Variants in CUZD1 observed in about 807,000 individuals in gnomAD.
The protein encoded by CUZD1 is CUB and zona pellucida like domains 1.
Under a neutral mutation model 53.1 loss-of-function variants are expected in CUZD1, and 42 were observed. That is an observed-to-expected ratio of 0.79 (90% confidence interval 0.62 to 1.02). The LOEUF (loss-of-function observed/expected upper bound fraction) is 1.02. Ranked by LOEUF, CUZD1 falls within the 50% of genes least tolerant of loss-of-function variation. The pLI is 0.00. For synonymous variants in CUZD1, 238 were observed against 257.2 expected, an observed-to-expected ratio of 0.93 and a Z score of 0.71; for missense variants, 670 against 715.7, an observed-to-expected ratio of 0.94 and a Z score of 0.73.
rs989344649 is a variant in CUZD1, at chr10:122,844,666, G to A, written c.82+1096C>T. On this transcript the variant is annotated intron_variant, in intron 1 of 8. Transcript: ENST00000392790. ...GTGGATCACTTGAGCTCAGGAGTTC[G>A]AGACCAGCCTGGGCAACATAGTGAA... Among the ~76,000 whole-genome samples, 6 of 152,064 alleles carry A rather than the reference G, an allele frequency of 3.9e-5. No homozygotes were observed. The East Asian group carries it at 9.6e-4, about 24-fold the overall frequency.
Position 122,837,198 on chromosome 10 carries a change from A to G in CUZD1, c.600-150T>C, listed in dbSNP as rs936558591. Reference sequence around the variant, plus strand: ...TTACGAAGACAAACCTGGGGTTTTGATAGTCTCTGACAAGGACCTCAGAAT... The same window carrying G: ...TTACGAAGACAAACCTGGGGTTTTGGTAGTCTCTGACAAGGACCTCAGAAT... On this transcript the variant is annotated intron_variant, in intron 4 of 8. Coordinates refer to ENST00000392790, the MANE Select transcript of CUZD1 (RefSeq NM_022034.6). 1.7e-5 allele frequency: 14 copies of G among 828,948 alleles called. No individual in the cohort carries two copies. In the South Asian group the frequency reaches 2.6e-4, roughly 15 times the overall value. The allele number at this position is 828,948 out of a possible 1,614,324, so 51.3% of individuals were successfully genotyped here. A position where few individuals can be genotyped will look rare whatever the true frequency, so the allele number is the denominator to read the frequency against.
rs145122169 is a variant in CUZD1, at chr10:122,837,538, G to A, written c.465C>T (p.Gly155=). ...FSPNISIPNC[G]GYLDTLEGSF... The stretch of plus-strand genomic sequence containing the variant: ...ATCCTTCCAAGGTATCCAGGTAACC[G>A]CCACAGTTTGGAATAGCTGAAATGG... Residue 155 remains glycine (G), a synonymous_variant, in exon 4 of 9, where the codon GGC becomes GGT. Transcript: ENST00000392790. 1.3e-5 allele frequency: 21 copies of A among 1,580,662 alleles called. No homozygotes were observed. The highest frequency in any genetic ancestry group is 1.7e-4 in the Middle Eastern group (1 of 5,882).
At chr10:122,836,121 A>G in intron 6 of CUZD1, 57 bp downstream of exon 6, 2 of 1,488,680 alleles carry the variant, frequency 1.3e-6, no homozygotes, top group Non-Finnish European at 1.8e-6. Flanking sequence ...CCCTGACTGC[A>G]TTGCTCAACA....
In CUZD1 at chr10:122,839,214, C is replaced by T. The variant is rs1397299480; in HGVS notation, c.251G>A (p.Ser84Asn). 8 of 1,613,990 alleles carry T rather than the reference C, an allele frequency of 5.0e-6. No homozygotes were observed. Among genetic ancestry groups the T allele is most frequent in the Non-Finnish European group, 6.8e-6 (8 of 1,179,866 alleles). Residue 84 changes from serine to asparagine, a missense_variant, in exon 3 of 9, where the codon AGC becomes AAC. Physicochemically the swap from Ser to Asn is conservative, Grantham distance 46. Transcript: ENST00000392790. ...FSYVQLDPDG[S>N]CESENIKVFD... The stretch of plus-strand genomic sequence containing the variant: ...GACTTTAATGTTTTCACTTTCACAG[C>T]TTCCATCTGGATCAAGCCTGTGGAA...
At position 122,836,275 on chromosome 10, in the gene CUZD1, C is replaced by T. The variant is rs543128847; in HGVS notation, c.893G>A (p.Gly298Glu). Residue 298 changes from glycine to glutamate, a missense_variant, in exon 6 of 9, where the codon GGG becomes GAG. Physicochemically the swap from Gly to Glu is moderately conservative, Grantham distance 98. Coordinates refer to ENST00000392790, the MANE Select transcript of CUZD1 (RefSeq NM_022034.6). ...TGGGTCTTTTAGTTGCAAGTTATTCCCATTAGAGTTAAAAGCCTCTAGGTA... is the reference window on the plus strand; with the variant it reads ...TGGGTCTTTTAGTTGCAAGTTATTCTCATTAGAGTTAAAAGCCTCTAGGTA... ...KSYLEAFNSN[G>E]NNLQLKDPTC... 78 of 1,611,692 alleles carry T rather than the reference C, an allele frequency of 4.8e-5. No homozygotes were observed. The South Asian group carries it at 7.8e-4, about 16-fold the overall frequency.
chr10:122,836,515 C>T (rs1383760154), intron 5 of CUZD1, among the ~76,000 whole-genome samples, 165 bp from the exon 6 acceptor site: 1 of 152,200 alleles, frequency 6.6e-6, no homozygotes, highest in Non-Finnish European at 1.5e-5. Context: ...TCACCTTTTA[C>T]TGTGTTCATT....
At chr10:122,838,608 T>C (rs561708179) in intron 3 of CUZD1, among the ~76,000 whole-genome samples, 1 of 152,226 alleles carries the variant, frequency 6.6e-6, no homozygotes, top group Admixed American at 6.5e-5. Context: ...AATCAGAGCA[T>C]AGGGAGGTGC....
intron 1 of CUZD1, among the ~76,000 whole-genome samples, chr10:122,843,820 T>C (rs1236292705): frequency 2.0e-5 from 3 of 147,256 alleles, no homozygotes; most frequent in African/African-American, 7.5e-5. Flanking sequence ...CATATATATA[T>C]ATATATATAT....
At chr10:122,837,665 T>C (rs1330054845) in intron 3 of CUZD1, 111 bp from the exon 4 acceptor site, 2 of 1,070,838 alleles carry the variant, frequency 1.9e-6, no homozygotes, top group Non-Finnish European at 2.6e-6. Context: ...ATTCCATCTC[T>C]ATCTTTCCCA....
In CUZD1 at chr10:122,833,928, A is replaced by T. The variant is rs143275481; in HGVS notation, c.1395T>A (p.Asp465Glu). The change falls in exon 8 of 9, where the codon GAT becomes GAA. Residue 465 changes from aspartate to glutamate, a missense_variant. Coordinates refer to ENST00000392790, the MANE Select transcript of CUZD1 (RefSeq NM_022034.6). ...ATAAGGGATACACCTTACAAGTTTC[A>T]TCTCGACTACATCTGGAACAGAATT... ...YDLIKSGCSR[D>E]ETCKVYPLFG... The T allele has an allele frequency of 1.2e-6, 2 of 1,612,430 alleles. No individual in the cohort carries two copies. The highest frequency in any genetic ancestry group is 1.3e-5 in the African/African-American group (1 of 74,858).
chr10:122,841,113 C>G (rs1847334327), intron 2 of CUZD1, 65 bp downstream of exon 2: 1 of 1,476,744 alleles, frequency 6.8e-7, no homozygotes, highest in Non-Finnish European at 9.2e-7. Flanking sequence ...CAGAGAGTCC[C>G]CCTACCCACC....
chr10:122,841,247 C>T lies in CUZD1; in HGVS notation c.164G>A (p.Ser55Asn). 1 of 1,614,092 alleles carries T rather than the reference C, an allele frequency of 6.2e-7. No homozygotes were observed. Among genetic ancestry groups the T allele is most frequent in the African/African-American group, 1.3e-5 (1 of 75,050 alleles). Residue 55 changes from serine to asparagine, a missense_variant, in exon 2 of 9, where the codon AGT (serine) becomes AAT (asparagine). Transcript: ENST00000392790. The stretch of plus-strand genomic sequence containing the variant: ...TTCTATTGTCCAGGTGCAGTTCTCA[C>T]TGGGATTGAGTTGCAGGATCATGGC... The part of the protein sequence containing the change: ...HKAMILQLNP[S>N]ENCTWTIERP...
Position 122,833,737 on chromosome 10 carries a change from C to A in CUZD1, c.1586G>T (p.Trp529Leu). 1 of 1,613,930 alleles carries A rather than the reference C, an allele frequency of 6.2e-7. No homozygotes were observed. Among genetic ancestry groups the A allele is most frequent in the Non-Finnish European group, 8.5e-7 (1 of 1,179,954 alleles). ...GGGTCCTATGATGGAATCTGTTTTC[C>A]ATTTATATGAAGAAATGTCTCGTTT... ...RSKRDISSYK[W>L]KTDSIIGPIR... The change falls in exon 8 of 9, where the codon TGG becomes TTG. Residue 529 changes from tryptophan to leucine, a missense_variant. Physicochemically the swap from Trp to Leu is moderately conservative, Grantham distance 61. Coordinates refer to ENST00000392790, the MANE Select transcript of CUZD1 (RefSeq NM_022034.6).
In CUZD1 at chr10:122,832,256, CACTT is replaced by C. The variant is rs1847172763; in HGVS notation, c.*18_*21del. 2 of 1,610,398 alleles carry C rather than the reference CACTT, an allele frequency of 1.2e-6. No homozygotes were observed. Among genetic ancestry groups the C allele is most frequent in the African/African-American group, 1.3e-5 (1 of 74,966 alleles). ...TTTGGCATCCTGGAGAAACATGTCT[CACTT>C]AGGGTTGGACCTGTTAGTTAATAGT... On this transcript the variant is annotated 3_prime_UTR_variant, in exon 9 of 9. Coordinates refer to ENST00000392790, the MANE Select transcript of CUZD1 (RefSeq NM_022034.6).
At chr10:122,838,807 C>T (rs1002881064) in intron 3 of CUZD1, among the ~76,000 whole-genome samples, 1 of 152,212 alleles carries the variant, frequency 6.6e-6, no homozygotes, top group Admixed American at 6.5e-5. Flanking sequence ...CAATGAATCA[C>T]AATATCTGTG....
rs1261827354 is a variant in CUZD1, at chr10:122,833,772, G to C, written c.1551C>G (p.Val517=). ...AAGAAATGTCTCGTTTGCTTCTGGA[G>C]ACACAACCTTGATTGCAGCGAGACT... ...DHQSRCNQGC[V]SRSKRDISSY... The change falls in exon 8 of 9, where the codon GTC becomes GTG. Residue 517 remains valine (V), a synonymous_variant. Transcript: ENST00000392790. 2 of 1,614,002 alleles carry C rather than the reference G, an allele frequency of 1.2e-6. No homozygotes were observed. The highest frequency in any genetic ancestry group is 1.7e-6 in the Non-Finnish European group (2 of 1,179,974).
At chr10:122,837,349 G>T (rs1591710684) in intron 4 of CUZD1, 55 bp downstream of exon 4, 2 of 1,585,712 alleles carry the variant, frequency 1.3e-6, no homozygotes, top group South Asian at 1.1e-5. Context: ...AAATCCCCCA[G>T]TTGCCAGGTG....
Position 122,839,036 on chromosome 10 carries a change from G to A in CUZD1, c.429C>T (p.Tyr143=). The change falls in exon 3 of 9, where the codon TAC becomes TAT. Residue 143 remains tyrosine, a synonymous_variant. Transcript: ENST00000392790. ...ACTTACAGATGTTAGGAGAGAAGAAGTAGTAGAAGACAAAGACAGTTCTTT... is the reference window on the plus strand; with the variant it reads ...ACTTACAGATGTTAGGAGAGAAGAAATAGTAGAAGACAAAGACAGTTCTTT... ...RIQRTVFVFY[Y]FFSPNISIPN... is the part of the protein sequence containing the mutation. The A allele has an allele frequency of 6.2e-7, 1 of 1,613,706 alleles. No individual in the cohort carries two copies. Among genetic ancestry groups the A allele is most frequent in the Non-Finnish European group, 8.5e-7 (1 of 1,179,590 alleles).
chr10:122,833,455 G>A (rs72839716), intron 8 of CUZD1, among the ~76,000 whole-genome samples: 16,985 of 152,076 alleles, frequency 0.11, 1,095 homozygotes, highest in Middle Eastern at 0.21. Context: ...AATGAATAAT[G>A]GCAAACTATC....
Sources: gnomAD v4.1 joint callset for allele counts (sites outside exome capture counted in the v4.1 genomes callset) on GRCh38, gnomAD v4.1.1 for gene constraint, MANE v1.5 for transcripts, NCBI Gene and HGNC (gene_info 2026-07-23, HGNC 2026-07-21) for gene names.